Variants in CCSER1 observed in about 807,000 individuals in gnomAD.
CCSER1 encodes serine-rich coiled-coil domain-containing protein 1.
A neutral mutation model predicts 82.0 loss-of-function variants in CCSER1; 41 were observed. The ratio of observed to expected loss-of-function variants is 0.50; its 90% CI spans 0.39 to 0.65. The LOEUF (loss-of-function observed/expected upper bound fraction) is 0.65, where lower values mean the gene tolerates loss of function less well. Ranked by LOEUF, CCSER1 falls within the 30% of genes least tolerant of loss-of-function variation. The pLI is 0.00. For synonymous variants in CCSER1, 414 were observed against 383.9 expected (o/e 1.08, Z -0.92); for missense variants, 1,119 against 1,064.2 (o/e 1.05, Z -0.72).
At chr4:91,290,991 TAATCAG>T (rs1743699131) in intron 10 of CCSER1, among the ~76,000 whole-genome samples, 1 of 151,790 alleles carries the variant, frequency 6.6e-6, no homozygotes, top group South Asian at 2.1e-4. Flanking sequence ...TAATTAGGAA[TAATCAG>T]AATACTCTCT....
intron 10 of CCSER1, among the ~76,000 whole-genome samples, chr4:91,595,790 G>A (rs1764538308): frequency 6.6e-6 from 1 of 151,784 alleles, no homozygotes; most frequent in Non-Finnish European, 1.5e-5. Context: ...GATGTATGCA[G>A]CACCTTGTCC....
At chr4:91,040,615 T>C (rs1280616562) in intron 9 of CCSER1, among the ~76,000 whole-genome samples, 1 of 152,206 alleles carries the variant, frequency 6.6e-6, no homozygotes, top group African/African-American at 2.4e-5. Context: ...AGCCAGGCTG[T>C]GTTGAGGCTC....
intron 1 of CCSER1, among the ~76,000 whole-genome samples, chr4:90,213,383 G>A (rs912631607): frequency 2.6e-5 from 4 of 152,120 alleles, no homozygotes; most frequent in African/African-American, 9.7e-5. Flanking sequence ...AGGTTGAGAT[G>A]TCTATTGGAC....
At chr4:91,004,515 T>C (rs1363554751) in intron 9 of CCSER1, among the ~76,000 whole-genome samples, 1 of 152,236 alleles carries the variant, frequency 6.6e-6, no homozygotes, top group Non-Finnish European at 1.5e-5. Context: ...ACAAAATTCA[T>C]TTGGTCAGTG....
chr4:90,292,028 G>GTA (rs761036628), intron 1 of CCSER1, among the ~76,000 whole-genome samples: 16 of 151,848 alleles, frequency 1.1e-4, no homozygotes, highest in Non-Finnish European at 2.1e-4. Context: ...AAGAAAATAG[G>GTA]TATATGATTT....
intron 8 of CCSER1, among the ~76,000 whole-genome samples, chr4:90,893,767 G>GTA (rs1723280431): frequency 8.5e-6 from 1 of 118,218 alleles, no homozygotes; most frequent in South Asian, 2.3e-4. Flanking sequence ...GTGTGTGTGT[G>GTA]TGTGTGTGCG....
intron 8 of CCSER1, among the ~76,000 whole-genome samples, chr4:90,867,397 T>A (rs546228245): frequency 5.3e-4 from 81 of 152,226 alleles, no homozygotes; most frequent in Non-Finnish European, 9.9e-4. Context: ...TACAGTTTTT[T>A]AAAAATTTCT....
intron 3 of CCSER1, among the ~76,000 whole-genome samples, chr4:90,318,400 G>A (rs1736545402): frequency 6.6e-6 from 1 of 152,148 alleles, no homozygotes; most frequent in African/African-American, 2.4e-5. Context: ...TACTATTTGT[G>A]CTAAGTGATT....
chr4:90,823,212 T>G (rs1331024530), intron 8 of CCSER1, among the ~76,000 whole-genome samples: 1 of 151,982 alleles, frequency 6.6e-6, no homozygotes, highest in Non-Finnish European at 1.5e-5. Flanking sequence ...AGTTTTAAAC[T>G]TCACACACAC....
chr4:90,837,663 A>G (rs2149851028), intron 8 of CCSER1, among the ~76,000 whole-genome samples: 1 of 152,298 alleles, frequency 6.6e-6, no homozygotes, highest in Non-Finnish European at 1.5e-5. Flanking sequence ...GTAATATTCT[A>G]AGACATTGGA....
chr4:90,303,533 A>G (rs1021667286), intron 1 of CCSER1, among the ~76,000 whole-genome samples: 3 of 152,134 alleles, frequency 2.0e-5, no homozygotes, highest in Non-Finnish European at 4.4e-5. Context: ...CAAATCTGAG[A>G]AAAACAAGCA....
chr4:90,638,311 C>T (rs1725812701), intron 6 of CCSER1, among the ~76,000 whole-genome samples: 1 of 152,054 alleles, frequency 6.6e-6, no homozygotes, highest in Non-Finnish European at 1.5e-5. Context: ...CATCAAATTA[C>T]ACATTTTGGA....
intron 4 of CCSER1, among the ~76,000 whole-genome samples, chr4:90,428,752 G>A (rs1025891320): frequency 1.3e-5 from 2 of 151,746 alleles, no homozygotes; most frequent in African/African-American, 2.4e-5. Context: ...TGTTGTTCCA[G>A]AGTGAACTGT....
At chr4:90,979,217 AG>A (rs1735884973) in intron 9 of CCSER1, among the ~76,000 whole-genome samples, 1 of 151,458 alleles carries the variant, frequency 6.6e-6, no homozygotes, top group Non-Finnish European at 1.5e-5. Flanking sequence ...TATTTTTTAA[AG>A]CAAAGCCAAT....
intron 8 of CCSER1, among the ~76,000 whole-genome samples, chr4:90,826,370 A>T (rs935770573): frequency 3.3e-5 from 5 of 152,208 alleles, no homozygotes; most frequent in Admixed American, 6.5e-5. Context: ...ATGTTTAAAA[A>T]TTTGAAAGTC....
intron 8 of CCSER1, among the ~76,000 whole-genome samples, chr4:90,881,326 A>G (rs1721281580): frequency 6.6e-6 from 1 of 152,222 alleles, no homozygotes. Flanking sequence ...ACAGAGAGAG[A>G]GAGAGGGGGG....
At position 90,861,926 on chromosome 4, in the gene CCSER1, A is replaced by ATATATTT. The variant is rs1486179354; in HGVS notation, c.2094+46082_2094+46083insATATTTT. ...GACTCATATATATATATATATATATATTTTTTTTTTCTGTTAGACTAGTGT... is the reference window on the plus strand; with the variant it reads ...GACTCATATATATATATATATATATATATATTTTTTTTTTTTTCTGTTAGACTAGTGT... On this transcript the variant is annotated intron_variant, in intron 8 of 10. Transcript: ENST00000509176. Among the ~76,000 whole-genome samples, 1,083 of 125,580 alleles carry ATATATTT rather than the reference A, an allele frequency of 8.6e-3. 12 individuals are homozygous for ATATATTT. Among genetic ancestry groups the ATATATTT allele is most frequent in the Non-Finnish European group, 0.011 (653 of 57,482 alleles). The allele number at this position is 125,580 out of a possible 152,430, so 82.4% of individuals were successfully genotyped here.
chr4:90,303,901 A>G (rs994604549), intron 1 of CCSER1, among the ~76,000 whole-genome samples: 43 of 152,094 alleles, frequency 2.8e-4, no homozygotes, highest in African/African-American at 9.9e-4. Context: ...CAACCTACTC[A>G]TCTGACAAAG....
In CCSER1 at chr4:91,602,146, T is replaced by C. The variant is rs1400331772; in HGVS notation, c.*3089T>C. ...TCAAGTTATTTTTGTTATCTAATGA[T>C]TGACATGAAAATAAAATAGTAAGCC... On this transcript the variant is annotated 3_prime_UTR_variant, in exon 11 of 11. Transcript: ENST00000509176. Among the ~76,000 whole-genome samples the C allele has an allele frequency of 2.6e-5, 4 of 152,008 alleles. No individual in the cohort carries two copies. Among genetic ancestry groups the C allele is most frequent in the Non-Finnish European group, 5.9e-5 (4 of 67,930 alleles).
Sources: allele counts gnomAD v4.1 joint callset (sites outside exome capture counted in the v4.1 genomes callset), GRCh38; gene constraint gnomAD v4.1.1; transcripts MANE v1.5; gene names NCBI Gene and HGNC (gene_info 2026-07-23, HGNC 2026-07-21).